The following SYNPR variants were observed in gnomAD, a reference collection of about 807,000 sequenced individuals.
The protein encoded by SYNPR is synaptoporin.
Under a neutral mutation model 32.9 loss-of-function variants are expected in SYNPR, and 23 were observed. The observed-to-expected ratio is 0.70, with a 90% CI of 0.50 to 0.99. The LOEUF (loss-of-function observed/expected upper bound fraction) is 0.99. Among genes scored for constraint, SYNPR ranks in the 50% least tolerant of loss-of-function variants. The pLI is 0.00. For synonymous variants in SYNPR, 146 were observed against 135.9 expected (o/e 1.07, Z -0.52); for missense variants, 318 against 349.3 (o/e 0.91, Z 0.71).
intron 3 of SYNPR, among the ~76,000 whole-genome samples, chr3:63,526,964 T>C (rs1027066586): frequency 2.0e-5 from 3 of 152,100 alleles, no homozygotes; most frequent in African/African-American, 4.8e-5. Context: ...GGCACCACGA[T>C]AGTAGAAATC....
At chr3:63,432,063 G>T in intron 2 of SYNPR, among the ~76,000 whole-genome samples, 1 of 152,138 alleles carries the variant, frequency 6.6e-6, no homozygotes, top group Non-Finnish European at 1.5e-5. Context: ...TAAGAGAAAG[G>T]AGTTGGAGGA....
intron 3 of SYNPR, among the ~76,000 whole-genome samples, chr3:63,513,160 C>G (rs1349377969): frequency 1.4e-5 from 2 of 140,864 alleles, no homozygotes; most frequent in African/African-American, 2.6e-5. Flanking sequence ...CCCCCTCCCC[C>G]CCACCCCCAC....
intron 2 of SYNPR, among the ~76,000 whole-genome samples, chr3:63,324,787 T>A (rs2106973288): frequency 6.6e-6 from 1 of 152,146 alleles, no homozygotes. Flanking sequence ...GACCTGGAGC[T>A]GTGATTACCA....
intron 1 of SYNPR, among the ~76,000 whole-genome samples, chr3:63,234,063 A>G (rs1288132066): frequency 6.6e-6 from 1 of 152,176 alleles, no homozygotes; most frequent in Non-Finnish European, 1.5e-5. Context: ...ATAAAGGCAT[A>G]CCTGAGACTG....
intron 2 of SYNPR, among the ~76,000 whole-genome samples, chr3:63,325,806 AC>A (rs36054120): frequency 6.6e-6 from 1 of 151,860 alleles, no homozygotes; most frequent in Non-Finnish European, 1.5e-5. Context: ...CCACAACTGG[AC>A]CCTGTGCAAG....
chr3:63,366,464 A>T (rs2087730516), intron 2 of SYNPR, among the ~76,000 whole-genome samples: 1 of 152,074 alleles, frequency 6.6e-6, no homozygotes, highest in Non-Finnish European at 1.5e-5. Context: ...TCTGGAGCAT[A>T]ATTTCATATA....
intron 2 of SYNPR, among the ~76,000 whole-genome samples, chr3:63,392,760 C>T (rs2088156191): frequency 6.6e-6 from 1 of 152,010 alleles, no homozygotes; most frequent in South Asian, 2.1e-4. Flanking sequence ...CAGTAAGACA[C>T]ATTTTCTTTT....
chr3:63,221,062 G>A, the SYNPR span, among the ~76,000 whole-genome samples: 1 of 152,190 alleles, frequency 6.6e-6, no homozygotes, highest in Non-Finnish European at 1.5e-5. Flanking sequence ...AAGTCAGAGA[G>A]ATGCAGATCA....
chr3:63,562,367 A>C (rs4373058), intron 4 of SYNPR, among the ~76,000 whole-genome samples: 1 of 152,226 alleles, frequency 6.6e-6, no homozygotes, highest in African/African-American at 2.4e-5. Context: ...GTTTCAGTGA[A>C]TCTGTATTGC....
chr3:63,516,388 T>C (rs1211057827), intron 3 of SYNPR, among the ~76,000 whole-genome samples: 1 of 152,162 alleles, frequency 6.6e-6, no homozygotes, highest in African/African-American at 2.4e-5. Context: ...AGCAAAGTCC[T>C]GTATCTCTTG....
At chr3:63,203,064 A>ATGTGTGTGTGTG in the SYNPR span, among the ~76,000 whole-genome samples, 11 of 42,972 alleles carry the variant, frequency 2.6e-4, no homozygotes, top group Admixed American at 1.0e-3. Flanking sequence ...ATATATATGT[A>ATGTGTGTGTGTG]TGTGTATATA....
intron 2 of SYNPR, among the ~76,000 whole-genome samples, chr3:63,343,423 G>A (rs2087394020): frequency 6.6e-6 from 1 of 152,202 alleles, no homozygotes; most frequent in Non-Finnish European, 1.5e-5. Context: ...CTCTGTAAGA[G>A]GGTGGTGGTG....
intron 3 of SYNPR, among the ~76,000 whole-genome samples, chr3:63,485,090 A>G (rs1349510958): frequency 1.3e-5 from 2 of 152,158 alleles, no homozygotes; most frequent in Non-Finnish European, 2.9e-5. Flanking sequence ...GTTAAACCCT[A>G]TATAAGATGA....
chr3:63,453,210 T>C (rs1975649), intron 2 of SYNPR, among the ~76,000 whole-genome samples: 112,133 of 152,096 alleles, frequency 0.74, 42,377 homozygotes, highest in African/African-American at 0.91. Flanking sequence ...TGATGCTAAC[T>C]GACCAGTTGT....
At position 63,516,129 on chromosome 3, in the gene SYNPR, A is replaced by G. The variant is rs186926303; in HGVS notation, c.209+35173A>G. ...AAAGTATATCCATATGTGATATCATATATAAGCATATCCAACCCATTAGCA... is the reference window on the plus strand; with the variant it reads ...AAAGTATATCCATATGTGATATCATGTATAAGCATATCCAACCCATTAGCA... On this transcript the variant is annotated intron_variant, in intron 3 of 5. Transcript: ENST00000478300. 1.1e-3 allele frequency among the ~76,000 whole-genome samples: 166 copies of G among 152,276 alleles called. 3 individuals carry two copies. The highest frequency in any genetic ancestry group is 5.9e-5 in the Non-Finnish European group (4 of 68,012).
intron 2 of SYNPR, among the ~76,000 whole-genome samples, chr3:63,374,714 A>C: frequency 6.6e-6 from 1 of 152,200 alleles, no homozygotes; most frequent in African/African-American, 2.4e-5. Flanking sequence ...TAGTTTTTGA[A>C]AATGAAAGAG....
chr3:63,220,981 G>A, the SYNPR span, among the ~76,000 whole-genome samples: 1 of 152,198 alleles, frequency 6.6e-6, no homozygotes, highest in Non-Finnish European at 1.5e-5. Flanking sequence ...AGTAACTGAT[G>A]TGTCTTCTCT....
At chr3:63,485,288 C>A (rs571564217) in intron 3 of SYNPR, among the ~76,000 whole-genome samples, 141 of 151,830 alleles carry the variant, frequency 9.3e-4, no homozygotes, top group African/African-American at 3.3e-3. Flanking sequence ...GTTGGATGAC[C>A]CAGAAAGTTC....
chr3:63,273,259 A>G (rs1004263703), intron 3 of SYNPR, among the ~76,000 whole-genome samples: 8 of 152,138 alleles, frequency 5.3e-5, no homozygotes, highest in African/African-American at 7.2e-5. Flanking sequence ...TTTTTCTTGG[A>G]AAGTTACGGG....
Sources: gnomAD v4.1 joint callset for allele counts (sites outside exome capture counted in the v4.1 genomes callset) on GRCh38, gnomAD v4.1.1 for gene constraint, MANE v1.5 for transcripts, NCBI Gene and HGNC (gene_info 2026-07-23, HGNC 2026-07-21) for gene names.